The following COL22A1 variants were observed in gnomAD, a reference collection of about 807,000 sequenced individuals.
COL22A1 encodes collagen alpha-1(XXII) chain.
In COL22A1, 221 loss-of-function variants were observed where a neutral mutation model predicts 248.9. The ratio of observed to expected loss-of-function variants is 0.89; its 90% CI spans 0.80 to 0.99. The LOEUF is 0.99. COL22A1 is among the 50% of genes least tolerant of loss of function. The pLI is 0.00. For missense variants in COL22A1, 2,240 were observed against 2,179.0 expected, an observed-to-expected ratio of 1.03 and a Z score of -0.56; for synonymous variants, 891 against 793.4, an observed-to-expected ratio of 1.12 and a Z score of -2.07.
chr8:138,873,465 G>A (rs1823494987), intron 3 of COL22A1, among the ~76,000 whole-genome samples: 1 of 152,058 alleles, frequency 6.6e-6, no homozygotes, highest in Non-Finnish European at 1.5e-5. Flanking sequence ...CAATATTTAG[G>A]AGCTCATCCT....
In COL22A1 at chr8:138,649,734, A is replaced by G; in HGVS notation, c.3378T>C (p.Gly1126=). ...DCPPGPPGLP[G]LPGFKGDKGV... ...CTTTGTCCCCTTTAAAACCTGGTAG[A>G]CCAGGGAGGCCTGGGGGGCCAGGAG... Residue 1126 remains glycine (G), a synonymous_variant, in exon 46 of 65, where the codon GGT becomes GGC. Transcript: ENST00000303045. 1 of 1,610,558 alleles carries G rather than the reference A, an allele frequency of 6.2e-7. No individual in the cohort carries two copies. The highest frequency in any genetic ancestry group is 8.5e-7 in the Non-Finnish European group (1 of 1,178,544).
chr8:138,613,145 G>C (rs1285630674), intron 56 of COL22A1, among the ~76,000 whole-genome samples: 1 of 151,812 alleles, frequency 6.6e-6, no homozygotes. Flanking sequence ...CTACTCGGGA[G>C]GCTGAGGCAG....
intron 10 of COL22A1, among the ~76,000 whole-genome samples, chr8:138,805,333 C>A (rs111066392): frequency 3.6e-4 from 41 of 115,464 alleles, no homozygotes; most frequent in South Asian, 1.2e-3. Context: ...GATGGTGTGG[C>A]TGTGTGATGG....
intron 41 of COL22A1, among the ~76,000 whole-genome samples, chr8:138,671,646 T>A (rs1277718121): frequency 6.6e-6 from 1 of 152,234 alleles, no homozygotes; most frequent in Non-Finnish European, 1.5e-5. Flanking sequence ...AAAACCCACA[T>A]GAAGCACTAC....
intron 17 of COL22A1, among the ~76,000 whole-genome samples, chr8:138,762,025 C>T (rs1048579747): frequency 6.6e-6 from 1 of 152,208 alleles, no homozygotes; most frequent in Non-Finnish European, 1.5e-5. Context: ...CTCTCTGTGT[C>T]GATGCCTCCT....
rs773051014 is a variant in COL22A1, at chr8:138,877,732, G to A, written c.658+18C>T. On this transcript the variant is annotated intron_variant, in intron 3 of 64. Transcript: ENST00000303045. ...CGTCACTCTTGGGAGGGGCCGCATG[G>A]GGCCCGGGCGCACTCACTTTCACAA... 6.4e-6 allele frequency: 10 copies of A among 1,553,708 alleles called. No individual in the cohort carries two copies. In the East Asian group the frequency reaches 1.4e-4, roughly 21 times the overall value.
chr8:138,710,613 A>AGATATATG (rs1431984284), intron 30 of COL22A1, among the ~76,000 whole-genome samples: 1 of 150,716 alleles, frequency 6.6e-6, no homozygotes, highest in Non-Finnish European at 1.5e-5. Context: ...CTATCTATAT[A>AGATATATG]TATATATCTC....
chr8:138,661,713 T>C (rs1422034642), intron 43 of COL22A1, among the ~76,000 whole-genome samples: 1 of 151,814 alleles, frequency 6.6e-6, no homozygotes. Context: ...AGGCAGTGCC[T>C]GATTCGAGCA....
chr8:138,828,868 G>C lies in COL22A1; in HGVS notation c.846-2087C>G, dbSNP rs970086449. 3.3e-5 allele frequency among the ~76,000 whole-genome samples: 5 copies of C among 152,304 alleles called. No homozygotes were observed. In the East Asian group the frequency reaches 9.7e-4, roughly 29 times the overall value. On this transcript the variant is annotated intron_variant, in intron 5 of 64. Coordinates refer to ENST00000303045, the MANE Select transcript of COL22A1 (RefSeq NM_152888.3). The stretch of plus-strand genomic sequence containing the variant: ...ACACACCTGGGACCTGCTCTCCTGG[G>C]CTCTTCTCTTAATCACCAGCTGACT...
At position 138,755,206 on chromosome 8, in the gene COL22A1, G is replaced by A; in HGVS notation, c.1982C>T (p.Ala661Val). ...QQEGLKGEQG[A>V]PGPRGHQGAP... ...GCCTTGGTGACCTCTGGGTCCTGGA[G>A]CTCCCTGGTAACACAAGCCAAACAG... The change falls in exon 21 of 65, where the codon GCT becomes GTT. Residue 661 changes from alanine to valine, a missense_variant. Physicochemically the swap from Ala to Val is moderately conservative, Grantham distance 64. Coordinates refer to ENST00000303045, the MANE Select transcript of COL22A1 (RefSeq NM_152888.3). 1.2e-6 allele frequency: 2 copies of A among 1,614,038 alleles called. No individual in the cohort carries two copies. The highest frequency in any genetic ancestry group is 1.7e-6 in the Non-Finnish European group (2 of 1,179,962).
At chr8:138,711,563 G>T (rs558940440) in intron 30 of COL22A1, among the ~76,000 whole-genome samples, 1 of 152,128 alleles carries the variant, frequency 6.6e-6, no homozygotes, top group East Asian at 1.9e-4. Flanking sequence ...AAAAGTCCAC[G>T]GCAGCAGCAG....
chr8:138,739,887 G>A (rs1208663984), intron 22 of COL22A1, among the ~76,000 whole-genome samples: 3 of 152,282 alleles, frequency 2.0e-5, no homozygotes, highest in South Asian at 2.1e-4. Flanking sequence ...TGGAGGGTGC[G>A]ATAATGTCTG....
chr8:138,756,340 T>A (rs149918266), intron 18 of COL22A1, among the ~76,000 whole-genome samples: 88 of 152,310 alleles, frequency 5.8e-4, no homozygotes, highest in African/African-American at 1.9e-3. Context: ...AGTCACTTTA[T>A]ACACAAGGTT....
chr8:138,679,626 T>G lies in COL22A1; in HGVS notation c.3063A>C (p.Gln1021His), dbSNP rs768391702. Residue 1021 changes from glutamine (Q) to histidine (H), a missense_variant, in exon 40 of 65, where the codon CAA becomes CAC. Gln to His is a conservative substitution (Grantham distance 24, BLOSUM62 0). Coordinates refer to ENST00000303045, the MANE Select transcript of COL22A1 (RefSeq NM_152888.3). ...ATAGATCTTCACTGACCTTAACACA[T>G]TGCCCTCCCAGTGCACAGTTTTCTG... ...RGSENCALGG[Q>H]CVKGDRGAPG... The G allele has an allele frequency of 1.9e-6, 3 of 1,613,876 alleles. No individual in the cohort carries two copies. Among genetic ancestry groups the G allele is most frequent in the Non-Finnish European group, 2.5e-6 (3 of 1,179,896 alleles).
chr8:138,865,670 T>C (rs540807174), intron 3 of COL22A1, among the ~76,000 whole-genome samples: 1 of 151,718 alleles, frequency 6.6e-6, no homozygotes, highest in East Asian at 1.9e-4. Context: ...TGTATAGGTA[T>C]GCCTGTGAGT....
At chr8:138,749,433 C>A (rs912390242) in intron 22 of COL22A1, among the ~76,000 whole-genome samples, 3 of 152,146 alleles carry the variant, frequency 2.0e-5, no homozygotes, top group Admixed American at 6.5e-5. Flanking sequence ...ATAACAATTG[C>A]CCAAGTTCAA....
At chr8:138,864,021 C>T (rs1438132286) in intron 3 of COL22A1, among the ~76,000 whole-genome samples, 2 of 152,220 alleles carry the variant, frequency 1.3e-5, no homozygotes, top group Non-Finnish European at 2.9e-5. Flanking sequence ...ACAGCAATGC[C>T]GCTCTTGGGC....
intron 3 of COL22A1, among the ~76,000 whole-genome samples, chr8:138,871,459 G>C (rs1179446596): frequency 6.6e-6 from 1 of 152,186 alleles, no homozygotes; most frequent in Admixed American, 6.5e-5. Context: ...ACCATTCCAA[G>C]ATCAAGGCAA....
At chr8:138,600,231 T>C (rs1269614596) in intron 60 of COL22A1, among the ~76,000 whole-genome samples, 1 of 152,204 alleles carries the variant, frequency 6.6e-6, no homozygotes, top group Non-Finnish European at 1.5e-5. Context: ...TCTGAAAATA[T>C]GGCAGCCACA....
Sources: allele counts gnomAD v4.1 joint callset (sites outside exome capture counted in the v4.1 genomes callset), GRCh38; gene constraint gnomAD v4.1.1; transcripts MANE v1.5; gene names NCBI Gene and HGNC (gene_info 2026-07-23, HGNC 2026-07-21).